PIK3C2G: variants seen among roughly 807,000 people sequenced by gnomAD.
The protein encoded by PIK3C2G is phosphatidylinositol 3-kinase C2 domain-containing subunit gamma.
A neutral mutation model predicts 181.1 loss-of-function variants in PIK3C2G; 168 were observed. The ratio of observed to expected loss-of-function variants is 0.93; its 90% CI spans 0.82 to 1.05. The LOEUF (loss-of-function observed/expected upper bound fraction) is 1.05, where lower values mean the gene tolerates loss of function less well. Among genes scored for constraint, PIK3C2G ranks in the 50% least tolerant of loss-of-function variants. The pLI is 0.00. For missense variants in PIK3C2G, 1,869 were observed against 1,732.8 expected (o/e 1.08, Z -1.40); for synonymous variants, 573 against 592.2 (o/e 0.97, Z 0.47).
intron 18 of PIK3C2G, among the ~76,000 whole-genome samples, chr12:18,454,366 G>A (rs536861657): frequency 1.3e-5 from 2 of 152,286 alleles, no homozygotes; most frequent in African/African-American, 4.8e-5. Context: ...AAGCACTGGA[G>A]TAAAGATATT....
intron 8 of PIK3C2G, among the ~76,000 whole-genome samples, chr12:18,335,431 G>C (rs1033084658): frequency 3.9e-5 from 6 of 152,020 alleles, no homozygotes; most frequent in Non-Finnish European, 7.4e-5. Context: ...CTTAAAATTT[G>C]TGTAATGTTT....
chr12:18,323,515 G>T (rs1334349179), intron 7 of PIK3C2G, among the ~76,000 whole-genome samples: 5 of 152,088 alleles, frequency 3.3e-5, no homozygotes, highest in Non-Finnish European at 7.4e-5. Flanking sequence ...TTTTCTCAAA[G>T]GGTATCTAAC....
rs78596473 is a variant in PIK3C2G at position 18,522,164 on chromosome 12, T to G, written c.3324-15992T>G. ...GGTTCTTTTCAATGGAAGCCTCTGA[T>G]AGCTGCTGCTTCTAGTTGGCCATCT... On this transcript the variant is annotated intron_variant, in intron 24 of 32. Transcript: ENST00000538779. Among the ~76,000 whole-genome samples, 849 of 152,362 alleles carry G rather than the reference T, an allele frequency of 5.6e-3. 7 individuals carry two copies. Among genetic ancestry groups the G allele is most frequent in the African/African-American group, 0.02 (816 of 41,592 alleles).
At chr12:18,322,392 AT>A (rs1202014418) in intron 7 of PIK3C2G, among the ~76,000 whole-genome samples, 12 of 151,070 alleles carry the variant, frequency 7.9e-5, no homozygotes, top group African/African-American at 2.9e-4. Flanking sequence ...AAAAAAAAAA[AT>A]AATAATTAAT....
chr12:18,587,458 G>T (rs1250438620), intron 29 of PIK3C2G, among the ~76,000 whole-genome samples: 1 of 151,912 alleles, frequency 6.6e-6, no homozygotes, highest in African/African-American at 2.4e-5. Context: ...TTTCATAATT[G>T]CCATAAAAAG....
intron 16 of PIK3C2G, among the ~76,000 whole-genome samples, chr12:18,405,406 T>G (rs964239401): frequency 6.9e-5 from 10 of 145,792 alleles, no homozygotes; most frequent in Non-Finnish European, 1.5e-4. Flanking sequence ...TGTGTTGTTG[T>G]TGTTGTTGTT....
chr12:18,656,963 A>G, the PIK3C2G span, among the ~76,000 whole-genome samples: 1 of 152,162 alleles, frequency 6.6e-6, no homozygotes, highest in Non-Finnish European at 1.5e-5. Context: ...CCCTAATGAC[A>G]GCAGCTCACA....
At chr12:18,674,246 TTAATA>T in the PIK3C2G span, among the ~76,000 whole-genome samples, 1 of 152,322 alleles carries the variant, frequency 6.6e-6, no homozygotes, top group African/African-American at 2.4e-5. Flanking sequence ...AAACAATAGC[TTAATA>T]TAATAATGAC....
At chr12:18,718,787 T>C in the PIK3C2G span, among the ~76,000 whole-genome samples, 34 of 152,342 alleles carry the variant, frequency 2.2e-4, no homozygotes, top group African/African-American at 7.9e-4. Flanking sequence ...TTATTATCTG[T>C]CTATCTGCTT....
chr12:18,261,981 G>A (rs1303881318), intron 1 of PIK3C2G, among the ~76,000 whole-genome samples: 1 of 151,978 alleles, frequency 6.6e-6, no homozygotes, highest in Non-Finnish European at 1.5e-5. Context: ...CTTGAATCTC[G>A]TGCCACTAGC....
chr12:18,718,442 T>C, the PIK3C2G span, among the ~76,000 whole-genome samples: 1 of 152,284 alleles, frequency 6.6e-6, no homozygotes, highest in South Asian at 2.1e-4. Flanking sequence ...CTCCTCTCCA[T>C]GCTCTACAAG....
At chr12:18,683,355 A>C in the PIK3C2G span, 2 of 1,597,862 alleles carry the variant, frequency 1.3e-6, no homozygotes, top group Non-Finnish European at 1.7e-6. Flanking sequence ...AATTAGACCA[A>C]TAACCAATTA....
intron 19 of PIK3C2G, among the ~76,000 whole-genome samples, chr12:18,490,710 C>T (rs1940484033): frequency 6.6e-6 from 1 of 152,206 alleles, no homozygotes. Context: ...ATGACAGGAT[C>T]TCATTCCTTT....
At chr12:18,265,729 A>G (rs968792994) in intron 1 of PIK3C2G, among the ~76,000 whole-genome samples, 17 of 151,994 alleles carry the variant, frequency 1.1e-4, no homozygotes, top group Non-Finnish European at 2.5e-4. Context: ...AAACTATGCA[A>G]TAGGCTGGGC....
intron 18 of PIK3C2G, among the ~76,000 whole-genome samples, chr12:18,460,429 C>A (rs1947854156): frequency 6.6e-6 from 1 of 151,606 alleles, no homozygotes; most frequent in Non-Finnish European, 1.5e-5. Flanking sequence ...AAAAAATTAG[C>A]CAGGTGTGGT....
the PIK3C2G span, among the ~76,000 whole-genome samples, chr12:18,705,806 C>T: frequency 2.0e-5 from 3 of 152,184 alleles, no homozygotes; most frequent in Admixed American, 1.3e-4. Context: ...GCAGAGATTA[C>T]AACGAGCCGA....
chr12:18,415,461 C>T (rs1465398534), intron 16 of PIK3C2G, among the ~76,000 whole-genome samples: 4 of 152,180 alleles, frequency 2.6e-5, no homozygotes, highest in African/African-American at 9.7e-5. Context: ...TGGCTGCTCC[C>T]TGTCTCTCTC....
the PIK3C2G span, chr12:18,701,827 A>G: frequency 6.4e-7 from 1 of 1,554,848 alleles, no homozygotes; most frequent in Non-Finnish European, 8.7e-7. Context: ...GTAAATTTGC[A>G]TTGTAACAGT....
intron 18 of PIK3C2G, among the ~76,000 whole-genome samples, chr12:18,439,203 T>C (rs1414538325): frequency 1.3e-5 from 2 of 152,040 alleles, no homozygotes; most frequent in Non-Finnish European, 2.9e-5. Flanking sequence ...GAAAAGTTTC[T>C]GAAACATGCT....
Sources: allele counts gnomAD v4.1 joint callset (sites outside exome capture counted in the v4.1 genomes callset), GRCh38; gene constraint gnomAD v4.1.1; transcripts MANE v1.5; gene names NCBI Gene and HGNC (gene_info 2026-07-23, HGNC 2026-07-21).